Variants in MCM9 observed in about 807,000 individuals in gnomAD.
MCM9 encodes DNA helicase MCM9.
MCM9 carries 55 observed loss-of-function variants against 72.8 expected under a neutral mutation model. The ratio of observed to expected loss-of-function variants is 0.76; its 90% CI spans 0.61 to 0.95. MCM9 has a LOEUF of 0.95. Ranked by LOEUF, MCM9 falls within the 40% of genes least tolerant of loss-of-function variation. The probability of loss-of-function intolerance (pLI) is 0.00; values close to 1 mark genes in which losing one functional copy is unlikely to be tolerated. For missense variants in MCM9, 1,279 were observed against 1,377.0 expected (o/e 0.93, Z 1.13); for synonymous variants, 480 against 503.4 (o/e 0.95, Z 0.62).
At chr6:118,858,210 C>T (rs528172777) in intron 8 of MCM9, among the ~76,000 whole-genome samples, 1 of 152,044 alleles carries the variant, frequency 6.6e-6, no homozygotes, top group Non-Finnish European at 1.5e-5. Flanking sequence ...AGTTAACATT[C>T]GAAAATTAAT....
intron 7 of MCM9, 104 bp downstream of exon 7, chr6:118,913,191 A>T (rs1780682911): frequency 3.0e-6 from 4 of 1,320,624 alleles, no homozygotes; most frequent in Non-Finnish European, 3.2e-6. Context: ...ATAAGATTAC[A>T]ATTGGAAAAT....
intron 8 of MCM9, among the ~76,000 whole-genome samples, chr6:118,870,989 C>T (rs993012573): frequency 2.0e-5 from 3 of 152,076 alleles, no homozygotes; most frequent in Non-Finnish European, 4.4e-5. Context: ...AAGCCCAGGA[C>T]CAGAAGGCTT....
chr6:118,846,190 T>C (rs1350855048), intron 9 of MCM9, among the ~76,000 whole-genome samples: 1 of 151,758 alleles, frequency 6.6e-6, no homozygotes, highest in Non-Finnish European at 1.5e-5. Context: ...CTTCAACATA[T>C]CCTCCAAAGA....
intron 8 of MCM9, among the ~76,000 whole-genome samples, chr6:118,879,160 T>C (rs1216131957): frequency 6.6e-6 from 1 of 151,728 alleles, no homozygotes; most frequent in African/African-American, 2.4e-5. Flanking sequence ...GAGCATAGTA[T>C]ACATGAATCC....
chr6:118,935,110 G>A lies in MCM9; in HGVS notation c.-369C>T. 1 of 152,250 alleles carries A rather than the reference G, an allele frequency of 6.6e-6. No individual in the cohort carries two copies. The highest frequency in any genetic ancestry group is 1.5e-5 in the Non-Finnish European group (1 of 68,012). The allele number at this position is 152,250 out of a possible 1,614,324, so 9.4% of individuals were successfully genotyped here. On this transcript the variant is annotated 5_prime_UTR_variant, in exon 1 of 14. Coordinates refer to ENST00000619706, the MANE Select transcript of MCM9 (RefSeq NM_017696.3). ...TGCCGGGCCTGCGCTCTCGACCGAC[G>A]CCGGGCCGCGCACCGCCTCAACTTC...
At chr6:118,886,844 A>C (rs962570763) in intron 8 of MCM9, among the ~76,000 whole-genome samples, 1 of 152,268 alleles carries the variant, frequency 6.6e-6, no homozygotes, top group East Asian at 1.9e-4. Context: ...ACACACCTGT[A>C]GTCCTAGCTA....
intron 8 of MCM9, among the ~76,000 whole-genome samples, chr6:118,904,538 C>T (rs972441260): frequency 2.0e-5 from 3 of 152,198 alleles, no homozygotes; most frequent in African/African-American, 7.2e-5. Context: ...TCCTTCCATC[C>T]GGTCGTCTCA....
intron 8 of MCM9, among the ~76,000 whole-genome samples, chr6:118,884,801 T>C (rs1046969605): frequency 9.2e-5 from 14 of 152,178 alleles, no homozygotes; most frequent in Non-Finnish European, 1.8e-4. Context: ...GATTTTTAAA[T>C]TTAAAAAATT....
chr6:118,928,230 G>A (rs1296874767), intron 3 of MCM9, among the ~76,000 whole-genome samples: 6 of 152,084 alleles, frequency 3.9e-5, no homozygotes, highest in African/African-American at 1.2e-4. Context: ...GGCCAACATC[G>A]TGAAACCCTG....
intron 9 of MCM9, among the ~76,000 whole-genome samples, chr6:118,836,009 T>G (rs1172226626): frequency 2.0e-5 from 3 of 152,222 alleles, no homozygotes; most frequent in Admixed American, 2.0e-4. Context: ...CTTATTATTT[T>G]GAGATATGTT....
chr6:118,896,051 T>G (rs1030823603), intron 8 of MCM9, among the ~76,000 whole-genome samples: 1 of 151,816 alleles, frequency 6.6e-6, no homozygotes, highest in African/African-American at 2.4e-5. Context: ...GTTTTTTTTT[T>G]TTTTTTAAAC....
intron 8 of MCM9, among the ~76,000 whole-genome samples, chr6:118,892,561 GTCA>G: frequency 6.6e-6 from 1 of 152,108 alleles, no homozygotes; most frequent in Non-Finnish European, 1.5e-5. Flanking sequence ...TCTTCAAATG[GTCA>G]TTTTATCTTA....
chr6:118,833,223 G>T (rs1290986609), intron 9 of MCM9, among the ~76,000 whole-genome samples: 1 of 152,130 alleles, frequency 6.6e-6, no homozygotes, highest in Non-Finnish European at 1.5e-5. Flanking sequence ...TTGCAGGCAC[G>T]TGGTGAGCAC....
chr6:118,900,565 A>G (rs764197820), intron 8 of MCM9, among the ~76,000 whole-genome samples: 1 of 152,208 alleles, frequency 6.6e-6, no homozygotes, highest in Non-Finnish European at 1.5e-5. Flanking sequence ...GTGTTTCACA[A>G]AAGAGTATTT....
chr6:118,838,801 G>A (rs2114604223), intron 9 of MCM9, among the ~76,000 whole-genome samples: 1 of 152,338 alleles, frequency 6.6e-6, no homozygotes, highest in South Asian at 2.1e-4. Flanking sequence ...GAGATCCACT[G>A]TTAGTCTGAT....
Position 118,829,081 on chromosome 6 carries a change from G to T in MCM9, c.1495C>A (p.Arg499Ser), listed in dbSNP as rs939087744. Residue 499 changes from arginine to serine, a missense_variant, in exon 10 of 14, where the codon CGT becomes AGT. Physicochemically the swap from Arg to Ser is moderately radical, Grantham distance 110. Coordinates refer to ENST00000619706, the MANE Select transcript of MCM9 (RefSeq NM_017696.3). ...LLDTKNEDWD[R>S]IISSFILENK... The stretch of plus-strand genomic sequence containing the variant: ...TCTAAGATAAAGGAGGAAATGATAC[G>T]ATCCCAGTCTTCATTCTTGGTATCA... The T allele has an allele frequency of 3.2e-6, 5 of 1,550,448 alleles. No individual in the cohort carries two copies. Among genetic ancestry groups the T allele is most frequent in the Non-Finnish European group, 4.4e-6 (5 of 1,146,986 alleles).
intron 9 of MCM9, among the ~76,000 whole-genome samples, chr6:118,838,352 G>A (rs894198268): frequency 4.6e-5 from 7 of 151,624 alleles, no homozygotes; most frequent in Non-Finnish European, 5.9e-5. Context: ...TTAGAGACTG[G>A]GTTTCACCAT....
At chr6:118,849,140 T>A (rs2114654973) in intron 9 of MCM9, among the ~76,000 whole-genome samples, 1 of 151,592 alleles carries the variant, frequency 6.6e-6, no homozygotes, top group African/African-American at 2.4e-5. Flanking sequence ...CATAAAGAAA[T>A]GAGCAAAGAT....
intron 3 of MCM9, among the ~76,000 whole-genome samples, chr6:118,930,253 G>A (rs913950831): frequency 3.3e-5 from 5 of 152,126 alleles, no homozygotes; most frequent in Non-Finnish European, 7.4e-5. Flanking sequence ...TGGGACTACA[G>A]GCGCCCGCCA....
Sources: allele counts gnomAD v4.1 joint callset (sites outside exome capture counted in the v4.1 genomes callset), GRCh38; gene constraint gnomAD v4.1.1; transcripts MANE v1.5; gene names NCBI Gene and HGNC (gene_info 2026-07-23, HGNC 2026-07-21).